Variants in LRRC4C observed in about 807,000 individuals in gnomAD.
LRRC4C encodes leucine-rich repeat-containing protein 4C.
Under a neutral mutation model 33.6 loss-of-function variants are expected in LRRC4C, and 5 were observed. That is an observed-to-expected ratio of 0.15 (90% CI 0.08 to 0.31). The LOEUF (loss-of-function observed/expected upper bound fraction) is 0.31, where lower values mean the gene tolerates loss of function less well. LRRC4C is among the 10% of genes least tolerant of loss of function. The pLI is 1.00. For missense variants in LRRC4C, 560 were observed against 796.7 expected, an observed-to-expected ratio of 0.70 and a Z score of 3.58; for synonymous variants, 329 against 302.0, an observed-to-expected ratio of 1.09 and a Z score of -0.93.
chr11:40,997,473 A>G (rs1854066040), intron 1 of LRRC4C, among the ~76,000 whole-genome samples: 1 of 152,126 alleles, frequency 6.6e-6, no homozygotes, highest in Admixed American at 6.6e-5. Context: ...GATCTTTTTC[A>G]GAGCTCTTCC....
intron 3 of LRRC4C, among the ~76,000 whole-genome samples, chr11:40,470,601 C>T (rs185913409): frequency 7.3e-4 from 111 of 152,230 alleles, no homozygotes; most frequent in African/African-American, 8.7e-4. Context: ...GTTAAAGGAG[C>T]ATGTTCTAAC....
chr11:40,731,955 T>C (rs185580177), intron 2 of LRRC4C, among the ~76,000 whole-genome samples: 109 of 152,244 alleles, frequency 7.2e-4, no homozygotes, highest in Non-Finnish European at 1.2e-3. Flanking sequence ...GATGTTTGCA[T>C]GGACCTTTTT....
chr11:41,176,719 T>C (rs918961903), intron 1 of LRRC4C, among the ~76,000 whole-genome samples: 3 of 152,002 alleles, frequency 2.0e-5, no homozygotes, highest in Non-Finnish European at 2.9e-5. Context: ...AGAATAGTCT[T>C]TGGGAGGCTG....
chr11:40,809,461 T>C (rs1424038375), intron 2 of LRRC4C, among the ~76,000 whole-genome samples: 2 of 152,112 alleles, frequency 1.3e-5, no homozygotes, highest in African/African-American at 4.8e-5. Flanking sequence ...GTTTTCTTAA[T>C]TATACTTAAA....
chr11:40,735,773 C>T (rs1947832958), intron 2 of LRRC4C, among the ~76,000 whole-genome samples: 1 of 149,622 alleles, frequency 6.7e-6, no homozygotes, highest in South Asian at 2.2e-4. Flanking sequence ...ACAGTCCCAC[C>T]AACAGCGTAA....
chr11:41,073,656 A>G (rs1297394672), intron 1 of LRRC4C, among the ~76,000 whole-genome samples: 2 of 152,212 alleles, frequency 1.3e-5, no homozygotes, highest in Non-Finnish European at 2.9e-5. Flanking sequence ...TCATGGTTCA[A>G]TATATATGTG....
At chr11:40,637,177 T>A (rs4756613) in intron 3 of LRRC4C, among the ~76,000 whole-genome samples, 151,730 of 152,278 alleles carry the variant, frequency 1, 75,596 homozygotes, top group Middle Eastern at 1. Context: ...ATTTCTACTG[T>A]TGCTTTCTTC....
At chr11:40,240,402 G>C (rs549989044) in intron 5 of LRRC4C, among the ~76,000 whole-genome samples, 1 of 152,192 alleles carries the variant, frequency 6.6e-6, no homozygotes, top group Non-Finnish European at 1.5e-5. Context: ...TCCGTCTATA[G>C]TCAACCAACA....
At chr11:40,561,408 C>CTT (rs549919738) in intron 3 of LRRC4C, among the ~76,000 whole-genome samples, 1,871 of 100,824 alleles carry the variant, frequency 0.019, 42 homozygotes, top group South Asian at 0.021. Context: ...CTGAGGATTC[C>CTT]TTTTTTTTTT....
At chr11:40,236,790 TA>T (rs1389283494) in intron 5 of LRRC4C, among the ~76,000 whole-genome samples, 1 of 152,182 alleles carries the variant, frequency 6.6e-6, no homozygotes, top group Non-Finnish European at 1.5e-5. Flanking sequence ...AGACTCTGCA[TA>T]CACAGAAAAA....
At chr11:40,964,833 G>A (rs576989764) in intron 1 of LRRC4C, among the ~76,000 whole-genome samples, 6 of 151,870 alleles carry the variant, frequency 4.0e-5, no homozygotes, top group Admixed American at 6.6e-5. Context: ...ATAAACATGC[G>A]TGTGCATGTG....
At chr11:41,439,844 GAGGTTTTTTTA>G (rs1035514295) in intron 1 of LRRC4C, among the ~76,000 whole-genome samples, 4 of 152,066 alleles carry the variant, frequency 2.6e-5, no homozygotes, top group Non-Finnish European at 5.9e-5. Context: ...TTGTTTTGAT[GAGGTTTTTTTA>G]AATTGTTAAA....
At chr11:40,753,286 A>G (rs1347468328) in intron 2 of LRRC4C, among the ~76,000 whole-genome samples, 2 of 152,000 alleles carry the variant, frequency 1.3e-5, no homozygotes. Flanking sequence ...AGTATAAGAG[A>G]GGACTTGAAC....
intron 4 of LRRC4C, among the ~76,000 whole-genome samples, chr11:40,303,180 A>G (rs948752563): frequency 6.6e-6 from 1 of 152,172 alleles, no homozygotes; most frequent in Non-Finnish European, 1.5e-5. Context: ...AGAAATTGGG[A>G]AACTTGGAGG....
chr11:41,172,121 C>T lies in LRRC4C; in HGVS notation c.-495-238398G>A, dbSNP rs576341059. On this transcript the variant is annotated intron_variant, in intron 1 of 6. Transcript: ENST00000528697. ...TTAGCCTAGAGTTAACAAAGGGTGG[C>T]GGAGGGAGAACTGGCTGACAGACTT... Among the ~76,000 whole-genome samples the T allele has an allele frequency of 5.3e-5, 8 of 152,102 alleles. No individual in the cohort carries two copies. In the South Asian group the frequency reaches 1.0e-3, roughly 20 times the overall value.
At chr11:41,007,647 T>C (rs1288789017) in intron 1 of LRRC4C, among the ~76,000 whole-genome samples, 3 of 152,158 alleles carry the variant, frequency 2.0e-5, no homozygotes, top group Admixed American at 2.0e-4. Context: ...ATTGAACAGG[T>C]GATGTATAAT....
intron 1 of LRRC4C, among the ~76,000 whole-genome samples, chr11:41,378,473 A>G (rs575351480): frequency 6.6e-6 from 1 of 152,132 alleles, no homozygotes; most frequent in East Asian, 1.9e-4. Flanking sequence ...AAGCAGCTTT[A>G]TTTTTACAGC....
intron 4 of LRRC4C, among the ~76,000 whole-genome samples, chr11:40,314,305 T>A (rs4755545): frequency 0.95 from 144,412 of 152,138 alleles, 69,044 homozygotes; most frequent in Non-Finnish European, 1. Context: ...AAAATGTTCA[T>A]CCTCGCTAAT....
At chr11:40,287,851 G>C (rs1212183465) in intron 4 of LRRC4C, among the ~76,000 whole-genome samples, 1 of 152,140 alleles carries the variant, frequency 6.6e-6, no homozygotes. Flanking sequence ...AAAATGGCAG[G>C]ACCTTACCAA....
Sources: gnomAD v4.1 joint callset for allele counts (sites outside exome capture counted in the v4.1 genomes callset) on GRCh38, gnomAD v4.1.1 for gene constraint, MANE v1.5 for transcripts, NCBI Gene and HGNC (gene_info 2026-07-23, HGNC 2026-07-21) for gene names.